Variants in FAM193A observed in about 807,000 individuals in gnomAD.
FAM193A encodes protein FAM193A.
In FAM193A, 22 loss-of-function variants were observed where a neutral mutation model predicts 126.5. The observed-to-expected ratio is 0.17, with a 90% CI of 0.12 to 0.25. The LOEUF is 0.25. Ranked by LOEUF, FAM193A falls within the 10% of genes least tolerant of loss-of-function variation. The probability of loss-of-function intolerance (pLI) is 1.00; values close to 1 mark genes in which losing one functional copy is unlikely to be tolerated. For synonymous variants in FAM193A, 761 were observed against 646.8 expected (o/e 1.18, Z -2.68); for missense variants, 1,675 against 1,672.8 (o/e 1.00, Z -0.02).
chr4:2,710,676 T>C (rs12506536), intron 19 of FAM193A, among the ~76,000 whole-genome samples: 58,500 of 151,384 alleles, frequency 0.39, 11,936 homozygotes, highest in Admixed American at 0.56. Context: ...CTAATTTTTT[T>C]GTAGTTTTTG....
At chr4:2,674,521 C>T (rs917624759) in intron 13 of FAM193A, among the ~76,000 whole-genome samples, 4 of 152,088 alleles carry the variant, frequency 2.6e-5, no homozygotes, top group African/African-American at 9.7e-5. Context: ...TGGAGGGGGC[C>T]TTGTGTACTG....
At chr4:2,652,599 C>G (rs547333930) in intron 7 of FAM193A, among the ~76,000 whole-genome samples, 1 of 152,144 alleles carries the variant, frequency 6.6e-6, no homozygotes, top group South Asian at 2.1e-4. Context: ...TTTTAAACAA[C>G]CAGATCTTCT....
chr4:2,667,384 G>C (rs1184342773), intron 12 of FAM193A, among the ~76,000 whole-genome samples: 1 of 152,204 alleles, frequency 6.6e-6, no homozygotes, highest in African/African-American at 2.4e-5. Flanking sequence ...CTGATTATCT[G>C]TCTGGTGGTT....
chr4:2,535,417 G>A (rs1736826532), upstream of FAM193A, among the ~76,000 whole-genome samples: 2 of 152,226 alleles, frequency 1.3e-5, no homozygotes, highest in South Asian at 4.1e-4. Context: ...GGTTAACGCT[G>A]CAAGGGGAGC....
At chr4:2,730,071 GCTAA>G (rs1560629462) in intron 20 of FAM193A, among the ~76,000 whole-genome samples, 7 of 152,020 alleles carry the variant, frequency 4.6e-5, no homozygotes, top group Admixed American at 2.6e-4. Flanking sequence ...GCCACTCCTG[GCTAA>G]CTTTTTACTT....
Position 2,699,445 on chromosome 4 carries a change from C to CG in FAM193A, c.3508-235_3508-234insG, listed in dbSNP as rs1188898592. On this transcript the variant is annotated intron_variant, in intron 18 of 20. Transcript: ENST00000637812. ...TTTTTTGTTAACTACCACCCCCCCC[C>CG]CCACACACACACACACAAATAAGTA... Among the ~76,000 whole-genome samples, 10 of 87,218 alleles carry CG rather than the reference C, an allele frequency of 1.1e-4. No homozygotes were observed. The East Asian group carries it at 3.1e-3, about 27-fold the overall frequency. The allele number at this position is 87,218 out of a possible 152,430, so 57.2% of individuals were successfully genotyped here.
rs527718959 is a variant in FAM193A, at chr4:2,720,857, A to G, written c.4454+4753A>G. Among the ~76,000 whole-genome samples, 7 of 152,318 alleles carry G rather than the reference A, an allele frequency of 4.6e-5. No homozygotes were observed. In the East Asian group the frequency reaches 1.4e-3, roughly 29 times the overall value. On this transcript the variant is annotated intron_variant, in intron 20 of 20. Transcript: ENST00000637812. ...TAAATCACAGAGATTCATTATCCAAAGACAGGAAGGGTTAGTATCATAAAA... is the reference window on the plus strand; with the variant it reads ...TAAATCACAGAGATTCATTATCCAAGGACAGGAAGGGTTAGTATCATAAAA...
intron 5 of FAM193A, among the ~76,000 whole-genome samples, chr4:2,634,767 TA>T (rs1382485860): frequency 1.3e-5 from 2 of 152,220 alleles, no homozygotes; most frequent in Non-Finnish European, 2.9e-5. Flanking sequence ...GGTTATAGTA[TA>T]ATGACAGCTA....
intron 13 of FAM193A, among the ~76,000 whole-genome samples, chr4:2,680,830 T>C: frequency 6.6e-6 from 1 of 151,526 alleles, no homozygotes; most frequent in East Asian, 1.9e-4. Context: ...TTGGTAGAGA[T>C]GGGGTTTCAC....
intron 19 of FAM193A, among the ~76,000 whole-genome samples, chr4:2,711,089 T>C (rs1209580644): frequency 6.6e-6 from 1 of 150,898 alleles, no homozygotes; most frequent in African/African-American, 2.4e-5. Flanking sequence ...CCTGACCTTG[T>C]GATCCACCCA....
intron 1 of FAM193A, among the ~76,000 whole-genome samples, chr4:2,582,696 T>C (rs1740020309): frequency 6.6e-6 from 1 of 152,146 alleles, no homozygotes; most frequent in African/African-American, 2.4e-5. Flanking sequence ...CTGTTTAGAG[T>C]TGGCCTCAGT....
intron 1 of FAM193A, among the ~76,000 whole-genome samples, chr4:2,567,682 G>A (rs1187117218): frequency 6.6e-6 from 1 of 152,116 alleles, no homozygotes; most frequent in East Asian, 1.9e-4. Context: ...CTGCTGCAGA[G>A]TGCCTTCTGC....
At chr4:2,609,790 G>A (rs1163973484) in intron 2 of FAM193A, among the ~76,000 whole-genome samples, 1 of 152,142 alleles carries the variant, frequency 6.6e-6, no homozygotes, top group Non-Finnish European at 1.5e-5. Context: ...TCAGCTGGGT[G>A]TGGTGTTGTG....
chr4:2,708,558 G>A (rs1718570373), intron 19 of FAM193A, among the ~76,000 whole-genome samples: 1 of 151,700 alleles, frequency 6.6e-6, no homozygotes, highest in Admixed American at 6.6e-5. Flanking sequence ...CGCCTTCTGG[G>A]TTCAAGCGAT....
At chr4:2,588,290 G>A (rs188228286) in intron 1 of FAM193A, among the ~76,000 whole-genome samples, 2 of 152,320 alleles carry the variant, frequency 1.3e-5, no homozygotes, top group South Asian at 2.1e-4. Flanking sequence ...AAGTTCTGGT[G>A]CCTCTTTACC....
chr4:2,653,652 C>T (rs566148636), intron 7 of FAM193A, among the ~76,000 whole-genome samples: 1 of 152,242 alleles, frequency 6.6e-6, no homozygotes, highest in African/African-American at 2.4e-5. Flanking sequence ...CCCTGTTGGC[C>T]AGGATGGTCT....
chr4:2,535,419 A>T (rs1736826628), upstream of FAM193A, among the ~76,000 whole-genome samples: 3 of 152,204 alleles, frequency 2.0e-5, no homozygotes, highest in Non-Finnish European at 4.4e-5. Context: ...TTAACGCTGC[A>T]AGGGGAGCCT....
At chr4:2,656,154 G>C (rs1341077970) in intron 7 of FAM193A, among the ~76,000 whole-genome samples, 1 of 152,034 alleles carries the variant, frequency 6.6e-6, no homozygotes, top group Non-Finnish European at 1.5e-5. Context: ...TACTTGTTTT[G>C]TATAAAGGTT....
At chr4:2,597,846 C>T (rs1312320427) in intron 2 of FAM193A, among the ~76,000 whole-genome samples, 5 of 152,106 alleles carry the variant, frequency 3.3e-5, no homozygotes, top group Non-Finnish European at 5.9e-5. Flanking sequence ...CCCATAAAAT[C>T]CCCTTGTTCC....
Sources: gnomAD v4.1 joint callset for allele counts (sites outside exome capture counted in the v4.1 genomes callset) on GRCh38, gnomAD v4.1.1 for gene constraint, MANE v1.5 for transcripts, NCBI Gene and HGNC (gene_info 2026-07-23, HGNC 2026-07-21) for gene names.